The following ARAP2 variants were observed in gnomAD, a reference collection of about 807,000 sequenced individuals.
ARAP2 encodes arf-GAP with Rho-GAP domain, ANK repeat and PH domain-containing protein 2.
Under a neutral mutation model 194.5 loss-of-function variants are expected in ARAP2, and 148 were observed. The observed-to-expected ratio is 0.76, with a 90% confidence interval of 0.67 to 0.87. The LOEUF (loss-of-function observed/expected upper bound fraction) is 0.87. ARAP2 is among the 40% of genes least tolerant of loss of function. The pLI, the probability that ARAP2 is intolerant of heterozygous loss-of-function variation, is 0.00. For synonymous variants in ARAP2, 695 were observed against 683.5 expected (o/e 1.02, Z -0.26); for missense variants, 2,128 against 1,989.7 (o/e 1.07, Z -1.32).
intron 19 of ARAP2, among the ~76,000 whole-genome samples, chr4:36,138,093 G>C (rs898461496): frequency 2.1e-4 from 32 of 151,772 alleles, no homozygotes; most frequent in Non-Finnish European, 4.0e-4. Context: ...AGAAGGGTAT[G>C]CTGTGCATTT....
intron 1 of ARAP2, among the ~76,000 whole-genome samples, chr4:36,236,275 C>T (rs1017120326): frequency 2.6e-5 from 4 of 152,062 alleles, no homozygotes; most frequent in Non-Finnish European, 4.4e-5. Context: ...AAACTCCCTC[C>T]CCATTACCCA....
chr4:36,209,511 T>C, intron 6 of ARAP2: 1 of 351,356 alleles, frequency 2.8e-6, no homozygotes, highest in Admixed American at 3.8e-5. Context: ...TTCCTGCTTC[T>C]ACTAGTCATC....
At chr4:36,104,076 G>A (rs1186407625) in intron 27 of ARAP2, among the ~76,000 whole-genome samples, 1 of 151,812 alleles carries the variant, frequency 6.6e-6, no homozygotes, top group Non-Finnish European at 1.5e-5. Flanking sequence ...GTGGCAATTA[G>A]GTATCTAATG....
chr4:36,174,119 C>A (rs1737280721), intron 9 of ARAP2, among the ~76,000 whole-genome samples: 2 of 152,122 alleles, frequency 1.3e-5, no homozygotes, highest in African/African-American at 2.4e-5. Flanking sequence ...GAGCAGTGCC[C>A]AGAAATGAGA....
rs1305015869 is a variant in ARAP2 at position 36,049,423 on chromosome 4, GT to G, written n.370-2575del. On this transcript the variant is annotated intron_variant and non_coding_transcript_variant, in intron 3 of 12. Coordinates refer to the ARAP2 transcript ENST00000503225. ...TCTAAATGTGGGCCTCCTAATTTGAGTCCCAAGTCTCATTGAAAATGACTGC... is the reference window on the plus strand; with the variant it reads ...TCTAAATGTGGGCCTCCTAATTTGAGCCCAAGTCTCATTGAAAATGACTGC... Among the ~76,000 whole-genome samples the G allele has an allele frequency of 1.6e-4, 24 of 152,236 alleles. No individual in the cohort carries two copies. The East Asian group carries it at 4.4e-3, about 28-fold the overall frequency.
At chr4:36,041,446 T>A (rs1392173937) in intron 5 of ARAP2, among the ~76,000 whole-genome samples, 2 of 152,156 alleles carry the variant, frequency 1.3e-5, no homozygotes, top group African/African-American at 4.8e-5. Context: ...ATATCATTGA[T>A]CATTAGAGAA....
intron 21 of ARAP2, 113 bp from the exon 22 acceptor site, chr4:36,125,080 A>G (rs1723571129): frequency 3.2e-6 from 2 of 617,070 alleles, no homozygotes; most frequent in African/African-American, 1.8e-5. Context: ...AATAGGTGAT[A>G]CAATCAGGTT....
chr4:36,173,680 C>G (rs1046398980), intron 9 of ARAP2, among the ~76,000 whole-genome samples: 1 of 151,646 alleles, frequency 6.6e-6, no homozygotes, highest in African/African-American at 2.4e-5. Context: ...AATTTTAAAG[C>G]GAATTGGAGG....
At chr4:36,214,575 T>C (rs894899757) in intron 2 of ARAP2, 95 bp from the exon 3 acceptor site, 3 of 764,474 alleles carry the variant, frequency 3.9e-6, no homozygotes, top group Non-Finnish European at 5.8e-6. Context: ...GAGAAAATAT[T>C]TATGATTTAT....
At chr4:36,090,621 A>G (rs1229382972) in intron 28 of ARAP2, among the ~76,000 whole-genome samples, 1 of 152,158 alleles carries the variant, frequency 6.6e-6, no homozygotes, top group Non-Finnish European at 1.5e-5. Context: ...GAACATGGAT[A>G]GAACTGGAGG....
chr4:36,160,531 A>C lies in ARAP2; in HGVS notation c.2370T>G (p.Ile790Met). The change falls in exon 13 of 33, where the codon ATT becomes ATG. Residue 790 changes from isoleucine (I) to methionine (M), a missense_variant. By Grantham distance (10) the Ile-to-Met change is conservative (BLOSUM62 1). Coordinates refer to ENST00000303965, the MANE Select transcript of ARAP2 (RefSeq NM_015230.4). ...ATTTTCCTTCTTTATATTTCTGAGT[A>C]ATAAAGTTTTTTCTCTTTTCTACTG... ...DSPVEKRKNF[I>M]TQKYKEGKFR... The C allele has an allele frequency of 1.3e-6, 2 of 1,573,092 alleles. No individual in the cohort carries two copies. Among genetic ancestry groups the C allele is most frequent in the Non-Finnish European group, 1.7e-6 (2 of 1,164,888 alleles).
At chr4:36,168,639 T>C (rs1578149660) in intron 9 of ARAP2, among the ~76,000 whole-genome samples, 1 of 152,342 alleles carries the variant, frequency 6.6e-6, no homozygotes, top group Middle Eastern at 3.4e-3. Context: ...ATAAAGTTTT[T>C]AGTTAGAATA....
At chr4:36,122,437 A>G (rs1377666487) in intron 22 of ARAP2, among the ~76,000 whole-genome samples, 2 of 151,920 alleles carry the variant, frequency 1.3e-5, no homozygotes, top group African/African-American at 4.8e-5. Flanking sequence ...TGCAGCCATA[A>G]CAAAGAATGA....
Position 36,128,683 on chromosome 4 carries a change from C to G in ARAP2, c.3490G>C (p.Glu1164Gln), listed in dbSNP as rs1322380699. 1.9e-6 allele frequency: 3 copies of G among 1,612,672 alleles called. No individual in the cohort carries two copies. In the Admixed American group the frequency reaches 5.0e-5, roughly 27 times the overall value. The change falls in exon 21 of 33, where the codon GAG (glutamate) becomes CAG (glutamine). Residue 1164 changes from glutamate to glutamine, a missense_variant. By Grantham distance (29) the Glu-to-Gln change is conservative. Transcript: ENST00000303965. ...CTTCTTGCATCCTTTTTGAAACTCT[C>G]CAGGAGTTCACTTATATGCAAAGGA... Reference protein sequence around the residue: ...GDPLHISELLESFKKDARSFK... With the variant: ...GDPLHISELLQSFKKDARSFK...
chr4:36,129,592 T>C (rs1356551918), intron 20 of ARAP2, among the ~76,000 whole-genome samples: 1 of 151,874 alleles, frequency 6.6e-6, no homozygotes, highest in Admixed American at 6.6e-5. Context: ...TTCCATGATA[T>C]CATAATTTCA....
intron 1 of ARAP2, chr4:36,243,821 G>A (rs1051663947): frequency 6.6e-6 from 1 of 152,174 alleles, no homozygotes; most frequent in Admixed American, 6.5e-5. Flanking sequence ...ACAGACACCC[G>A]GGCAAATTCA....
At chr4:36,104,858 T>C (rs2109451071) in intron 27 of ARAP2, among the ~76,000 whole-genome samples, 1 of 152,146 alleles carries the variant, frequency 6.6e-6, no homozygotes, top group Admixed American at 6.6e-5. Context: ...ATGATCCAAT[T>C]AATGTATTTG....
At position 36,120,013 on chromosome 4, in the gene ARAP2, T is replaced by A. The variant is rs74595443; in HGVS notation, c.3895-295A>T. On this transcript the variant is annotated intron_variant, in intron 23 of 32. Coordinates refer to ENST00000303965, the MANE Select transcript of ARAP2 (RefSeq NM_015230.4). ...ATCTGATGACTGGCTTAAGTTTATG[T>A]AGGTTGAGAAACAAAGCTCATGTAT... Among the ~76,000 whole-genome samples, 24 of 151,668 alleles carry A rather than the reference T, an allele frequency of 1.6e-4. No homozygotes were observed. In the East Asian group the frequency reaches 4.7e-3, roughly 29 times the overall value.
chr4:36,126,430 G>C (rs1380343720), intron 21 of ARAP2, among the ~76,000 whole-genome samples: 1 of 151,898 alleles, frequency 6.6e-6, no homozygotes, highest in Non-Finnish European at 1.5e-5. Context: ...AAAATACAAT[G>C]AGCAATTCAA....
Sources: allele counts gnomAD v4.1 joint callset (sites outside exome capture counted in the v4.1 genomes callset), GRCh38; gene constraint gnomAD v4.1.1; transcripts MANE v1.5; gene names NCBI Gene and HGNC (gene_info 2026-07-23, HGNC 2026-07-21).